The following NCKAP1 variants were observed in gnomAD, a reference collection of about 807,000 sequenced individuals.
NCKAP1 encodes nck-associated protein 1.
In NCKAP1, 21 loss-of-function variants were observed where a neutral mutation model predicts 151.2. The ratio of observed to expected loss-of-function variants is 0.14; its 90% CI spans 0.10 to 0.20. The LOEUF is 0.20. Ranked by LOEUF, NCKAP1 falls within the 10% of genes least tolerant of loss-of-function variation. The probability of loss-of-function intolerance (pLI) is 1.00; values close to 1 mark genes in which losing one functional copy is unlikely to be tolerated. For synonymous variants in NCKAP1, 484 were observed against 451.8 expected, an observed-to-expected ratio of 1.07 and a Z score of -0.90; for missense variants, 933 against 1,352.1, an observed-to-expected ratio of 0.69 and a Z score of 4.86.
At chr2:182,942,031 ATCT>A (rs2105811495) in intron 24 of NCKAP1, 36 bp downstream of exon 24, 10 of 1,506,106 alleles carry the variant, frequency 6.6e-6, no homozygotes, top group Middle Eastern at 1.7e-4. Flanking sequence ...GAGTATCAAG[ATCT>A]TCTTATGTTT....
At position 182,978,924 on chromosome 2, in the gene NCKAP1, C is replaced by T; in HGVS notation, c.1342-9G>A. On this transcript the variant is annotated splice_polypyrimidine_tract_variant and intron_variant, in intron 13 of 30. Coordinates refer to ENST00000361354, the MANE Select transcript of NCKAP1 (RefSeq NM_013436.5). ...GGGCAAACAGAAAGATTCTGAAAAA[C>T]AAACAAAAAGTAACGTTAAAAACAT... The T allele has an allele frequency of 6.3e-7, 1 of 1,598,316 alleles. No individual in the cohort carries two copies. The highest frequency in any genetic ancestry group is 8.6e-7 in the Non-Finnish European group (1 of 1,168,650).
intron 2 of NCKAP1, among the ~76,000 whole-genome samples, chr2:183,009,477 A>AGCAAGCAG (rs1698549093): frequency 2.4e-5 from 3 of 122,982 alleles, no homozygotes; most frequent in Non-Finnish European, 5.9e-5. Flanking sequence ...GAAGGAAGGA[A>AGCAAGCAG]GCAAGCAAGC....
intron 18 of NCKAP1, 53 bp from the exon 19 acceptor site, chr2:182,957,649 T>C (rs1386127590): frequency 7.1e-6 from 11 of 1,559,336 alleles, no homozygotes; most frequent in Non-Finnish European, 9.6e-6. Flanking sequence ...TCTGAAAGCA[T>C]ACTAACTATT....
In NCKAP1 at chr2:183,038,121, G is replaced by A. The variant is rs771178232; in HGVS notation, c.-22C>T. 7.3e-6 allele frequency: 11 copies of A among 1,512,626 alleles called. No individual in the cohort carries two copies. The South Asian group carries it at 1.2e-4, about 17-fold the overall frequency. The allele number at this position is 1,512,626 out of a possible 1,614,324, so 93.7% of individuals were successfully genotyped here. ...ACATGGTGGTGCTGGTGCCGCCGCCGCCGCCGGCCGCCTCGCGCCCAGTCA... is the reference window on the plus strand; with the variant it reads ...ACATGGTGGTGCTGGTGCCGCCGCCACCGCCGGCCGCCTCGCGCCCAGTCA... On this transcript the variant is annotated 5_prime_UTR_variant, in exon 1 of 31. Transcript: ENST00000361354.
chr2:183,025,649 C>A (rs1698880892), intron 1 of NCKAP1, among the ~76,000 whole-genome samples: 1 of 152,048 alleles, frequency 6.6e-6, no homozygotes, highest in African/African-American at 2.4e-5. Context: ...TAAAATATAT[C>A]CAACTTTCTT....
intron 5 of NCKAP1, 37 bp from the exon 6 acceptor site, chr2:183,002,080 T>C (rs1261955681): frequency 1.2e-6 from 2 of 1,612,288 alleles, no homozygotes; most frequent in Non-Finnish European, 1.7e-6. Flanking sequence ...TGAGTTGTAA[T>C]CCATCAAACT....
chr2:182,928,183 C>G lies in NCKAP1; in HGVS notation c.3114G>C (p.Gln1038His), dbSNP rs913400336. ...NIHCLAKAIN[Q>H]IAAALFTIHK... ...GAATTGTAAACAAAGCTGCAGCAATCTGGTTGATGGCTTTGGCCAAGCAAT... is the reference window on the plus strand; with the variant it reads ...GAATTGTAAACAAAGCTGCAGCAATGTGGTTGATGGCTTTGGCCAAGCAAT... Residue 1038 changes from glutamine to histidine, a missense_variant, in exon 29 of 31, where the codon CAG becomes CAC. By Grantham distance (24) the Gln-to-His change is conservative (BLOSUM62 0). Transcript: ENST00000361354. The G allele has an allele frequency of 4.3e-6, 7 of 1,613,048 alleles. No individual in the cohort carries two copies. Among genetic ancestry groups the G allele is most frequent in the Non-Finnish European group, 5.9e-6 (7 of 1,179,346 alleles).
At chr2:182,931,567 C>T (rs1384197983) in intron 26 of NCKAP1, among the ~76,000 whole-genome samples, 3 of 151,876 alleles carry the variant, frequency 2.0e-5, no homozygotes, top group Admixed American at 6.6e-5. Context: ...AACTGTAAAA[C>T]GCTTAGAAAA....
chr2:183,020,205 G>A (rs530758193), intron 2 of NCKAP1, among the ~76,000 whole-genome samples: 1 of 152,220 alleles, frequency 6.6e-6, no homozygotes, highest in South Asian at 2.1e-4. Context: ...ACTCAAGCCT[G>A]TAATCCCAGC....
At chr2:182,926,485 G>T (rs934536213) in intron 30 of NCKAP1, among the ~76,000 whole-genome samples, 2 of 151,998 alleles carry the variant, frequency 1.3e-5, no homozygotes, top group African/African-American at 2.4e-5. Flanking sequence ...GCAGAATAGA[G>T]TTAGAATGTA....
At chr2:182,987,663 C>CT (rs1487025351) in intron 9 of NCKAP1, among the ~76,000 whole-genome samples, 16 of 152,106 alleles carry the variant, frequency 1.1e-4, no homozygotes, top group African/African-American at 3.4e-4. Context: ...TGTCAGTATG[C>CT]TAGTACATGA....
At chr2:182,927,049 G>T in intron 29 of NCKAP1, 144 bp from the exon 30 acceptor site, 1 of 554,348 alleles carries the variant, frequency 1.8e-6, no homozygotes, top group Non-Finnish European at 3.1e-6. Context: ...GATGAGCTTA[G>T]ATAGCCTACA....
chr2:182,927,512 C>T (rs1157472135), intron 29 of NCKAP1, among the ~76,000 whole-genome samples: 4 of 151,776 alleles, frequency 2.6e-5, no homozygotes, highest in East Asian at 3.9e-4. Flanking sequence ...GTATATCTTT[C>T]GTTTAAATAA....
Position 183,003,062 on chromosome 2 carries a change from C to T in NCKAP1, c.313-32G>A, listed in dbSNP as rs563625185. Reference sequence around the variant, plus strand: ...AGAAATACTTATTTTAATCTTTTATCTGTATAAATCTGTTTAAATTCAGAA... The same window carrying T: ...AGAAATACTTATTTTAATCTTTTATTTGTATAAATCTGTTTAAATTCAGAA... On this transcript the variant is annotated intron_variant, in intron 3 of 30. Transcript: ENST00000361354. The T allele has an allele frequency of 4.7e-5, 73 of 1,541,832 alleles. No individual in the cohort carries two copies. The South Asian group carries it at 8.1e-4, about 17-fold the overall frequency.
chr2:183,001,999 T>C lies in NCKAP1; in HGVS notation c.557A>G (p.Glu186Gly). 1 of 1,613,894 alleles carries C rather than the reference T, an allele frequency of 6.2e-7. No individual in the cohort carries two copies. Among genetic ancestry groups the C allele is most frequent in the Non-Finnish European group, 8.5e-7 (1 of 1,179,870 alleles). Residue 186 changes from glutamate to glycine, a missense_variant, in exon 6 of 31, where the codon GAA (glutamate) becomes GGA (glycine). Glu to Gly is a moderately conservative substitution (Grantham distance 98, BLOSUM62 -2). Coordinates refer to ENST00000361354, the MANE Select transcript of NCKAP1 (RefSeq NM_013436.5). ...TTCCATCATCTTCTTTAAAGGGTTT[T>C]CATAATCCACAATCATCTGGCCAAG... The part of the protein sequence containing the change: ...PRLGQMIVDY[E>G]NPLKKMMEEF...
At chr2:182,953,411 T>C in intron 20 of NCKAP1, 80 bp from the exon 21 acceptor site, 1 of 871,404 alleles carries the variant, frequency 1.1e-6, no homozygotes, top group Non-Finnish European at 1.8e-6. Context: ...CCTACTGTTA[T>C]CTAATATTAA....
intron 2 of NCKAP1, among the ~76,000 whole-genome samples, chr2:183,004,654 T>C (rs1157854153): frequency 1.3e-5 from 2 of 152,000 alleles, no homozygotes; most frequent in Admixed American, 6.6e-5. Context: ...AAGGCCAAGA[T>C]GGGTGGATCA....
intron 23 of NCKAP1, among the ~76,000 whole-genome samples, chr2:182,949,956 TCA>T (rs1321302478): frequency 6.6e-6 from 1 of 152,078 alleles, no homozygotes; most frequent in Non-Finnish European, 1.5e-5. Context: ...GCATGAGAGG[TCA>T]CAATTAAGAT....
chr2:183,028,130 G>C (rs1188379784), intron 1 of NCKAP1, among the ~76,000 whole-genome samples: 1 of 151,798 alleles, frequency 6.6e-6, no homozygotes, highest in Non-Finnish European at 1.5e-5. Flanking sequence ...TAGAAAAAAA[G>C]GAAAGGTGAA....
Sources: gnomAD v4.1 joint callset for allele counts (sites outside exome capture counted in the v4.1 genomes callset) on GRCh38, gnomAD v4.1.1 for gene constraint, MANE v1.5 for transcripts, NCBI Gene and HGNC (gene_info 2026-07-23, HGNC 2026-07-21) for gene names.